UBAP1: variants seen among roughly 807,000 people sequenced by gnomAD.
UBAP1 encodes ubiquitin-associated protein 1.
Under a neutral mutation model 39.0 loss-of-function variants are expected in UBAP1, and 5 were observed. That is an observed-to-expected ratio of 0.13 (90% CI 0.07 to 0.27). The LOEUF (loss-of-function observed/expected upper bound fraction) is 0.27. UBAP1 is among the 10% of genes least tolerant of loss of function. The probability of loss-of-function intolerance (pLI) is 1.00; values close to 1 mark genes in which losing one functional copy is unlikely to be tolerated. For synonymous variants in UBAP1, 211 were observed against 225.1 expected, an observed-to-expected ratio of 0.94 and a Z score of 0.56; for missense variants, 490 against 608.1, an observed-to-expected ratio of 0.81 and a Z score of 2.04.
intron 1 of UBAP1, among the ~76,000 whole-genome samples, chr9:34,179,848 A>G (rs577167114): frequency 6.6e-6 from 1 of 152,226 alleles, no homozygotes; most frequent in South Asian, 2.1e-4. Context: ...GTGGAACGTC[A>G]GGTTCATTTA....
chr9:34,199,523 C>A (rs111448241), intron 1 of UBAP1, among the ~76,000 whole-genome samples: 2 of 152,168 alleles, frequency 1.3e-5, no homozygotes, highest in African/African-American at 4.8e-5. Flanking sequence ...AACCATCTTA[C>A]ATTACCATGA....
intron 1 of UBAP1, among the ~76,000 whole-genome samples, chr9:34,182,691 CTT>C (rs763738694): frequency 8.4e-5 from 8 of 95,420 alleles, no homozygotes; most frequent in African/African-American, 2.5e-4. Flanking sequence ...TTCTCTCTCT[CTT>C]TCTTTTCTTT....
At chr9:34,216,642 A>ATTTTTTTT (rs57204146) in intron 1 of UBAP1, among the ~76,000 whole-genome samples, 5 of 70,184 alleles carry the variant, frequency 7.1e-5, no homozygotes, top group African/African-American at 2.0e-4. Flanking sequence ...CACCATGCTA[A>ATTTTTTTT]TTTTTTTTTT....
chr9:34,185,574 T>C (rs1563883578), intron 1 of UBAP1, among the ~76,000 whole-genome samples: 3 of 150,736 alleles, frequency 2.0e-5, no homozygotes, highest in Admixed American at 6.6e-5. Context: ...GGGCGGGTGC[T>C]GTGGGTCATG....
intron 2 of UBAP1, among the ~76,000 whole-genome samples, chr9:34,225,970 A>G (rs1191413514): frequency 1.6e-4 from 24 of 152,100 alleles, no homozygotes; most frequent in Non-Finnish European, 4.4e-5. Context: ...TATAATTGAT[A>G]TATAAAAAGC....
Position 34,204,468 on chromosome 9 carries a change from AT to A in UBAP1, c.-7-16429del, listed in dbSNP as rs531410200. On this transcript the variant is annotated intron_variant, in intron 1 of 6. Transcript: ENST00000297661. ...AAGTAAGTATACACAGTCCACACCCATTTTTTTTTTTGAAGAAAACACCCGT... is the reference window on the plus strand; with the variant it reads ...AAGTAAGTATACACAGTCCACACCCATTTTTTTTTTGAAGAAAACACCCGT... Among the ~76,000 whole-genome samples, 764 of 147,686 alleles carry A rather than the reference AT, an allele frequency of 5.2e-3. 2 individuals carry two copies. The highest frequency in any genetic ancestry group is 6.8e-3 in the Non-Finnish European group (452 of 66,514).
intron 1 of UBAP1, among the ~76,000 whole-genome samples, chr9:34,210,854 C>T (rs933325959): frequency 6.7e-5 from 10 of 149,770 alleles, no homozygotes; most frequent in Non-Finnish European, 1.5e-4. Flanking sequence ...TTAAACACAT[C>T]GTTGCTGGTT....
At chr9:34,245,996 C>A (rs1156996358) in intron 4 of UBAP1, among the ~76,000 whole-genome samples, 2 of 152,094 alleles carry the variant, frequency 1.3e-5, no homozygotes, top group African/African-American at 2.4e-5. Flanking sequence ...GTCTTTGTTT[C>A]TTTATTTAAA....
chr9:34,208,727 G>A (rs1831854190), intron 1 of UBAP1, among the ~76,000 whole-genome samples: 2 of 148,658 alleles, frequency 1.3e-5, no homozygotes, highest in Non-Finnish European at 3.0e-5. Context: ...GCAGTGAGCC[G>A]AGATGGCACC....
intron 3 of UBAP1, among the ~76,000 whole-genome samples, chr9:34,237,567 A>C (rs946604206): frequency 4.6e-5 from 7 of 152,004 alleles, no homozygotes; most frequent in Non-Finnish European, 7.4e-5. Flanking sequence ...TTAAAAAAAA[A>C]CTTTTTTTGG....
intron 2 of UBAP1, among the ~76,000 whole-genome samples, chr9:34,229,993 C>T (rs1398545731): frequency 1.3e-5 from 2 of 151,828 alleles, no homozygotes; most frequent in Non-Finnish European, 1.5e-5. Context: ...TAGCACAGTA[C>T]TTTTGTAGTT....
At chr9:34,194,415 C>T (rs1173450559) in intron 1 of UBAP1, among the ~76,000 whole-genome samples, 1 of 151,716 alleles carries the variant, frequency 6.6e-6, no homozygotes, top group Non-Finnish European at 1.5e-5. Context: ...CCCAGGTTCA[C>T]GCCATTCTCC....
intron 1 of UBAP1, among the ~76,000 whole-genome samples, chr9:34,207,048 CTTTTTT>C (rs34197502): frequency 3.4e-3 from 304 of 90,068 alleles, no homozygotes; most frequent in Non-Finnish European, 4.6e-3. Flanking sequence ...ATTGTTATTT[CTTTTTT>C]TTTTTTTTTT....
chr9:34,233,314 T>C (rs1167679033), intron 2 of UBAP1, among the ~76,000 whole-genome samples: 1 of 151,446 alleles, frequency 6.6e-6, no homozygotes, highest in East Asian at 1.9e-4. Flanking sequence ...CTCCGTCTCC[T>C]GGGTTCAAGC....
chr9:34,190,223 G>C (rs1265491693), intron 1 of UBAP1, among the ~76,000 whole-genome samples: 1 of 152,150 alleles, frequency 6.6e-6, no homozygotes, highest in Admixed American at 6.6e-5. Flanking sequence ...AAAAATCACG[G>C]AAGGTCTTTA....
At position 34,252,180 on chromosome 9, in the gene UBAP1, C is replaced by T; in HGVS notation, c.*648C>T. ...TTGGCTTGGTTTGGACCACAGTCCTCTGCTACCCAGGGTTTTAGAGCCCCT... is the reference window on the plus strand; with the variant it reads ...TTGGCTTGGTTTGGACCACAGTCCTTTGCTACCCAGGGTTTTAGAGCCCCT... On this transcript the variant is annotated 3_prime_UTR_variant, in exon 7 of 7. Transcript: ENST00000297661. 1 of 152,578 alleles carries T rather than the reference C, an allele frequency of 6.6e-6. No individual in the cohort carries two copies. The highest frequency in any genetic ancestry group is 1.9e-4 in the East Asian group (1 of 5,184). The allele number at this position is 152,578 out of a possible 1,614,324, so 9.5% of individuals were successfully genotyped here.
At chr9:34,182,681 T>TC (rs1554645042) in intron 1 of UBAP1, among the ~76,000 whole-genome samples, 19 of 115,592 alleles carry the variant, frequency 1.6e-4, no homozygotes, top group African/African-American at 5.1e-4. Context: ...CTTTCTTTCT[T>TC]TCTCTCTCTC....
rs180727715 is a variant in UBAP1, at chr9:34,221,257, C to G, written c.34+309C>G. On this transcript the variant is annotated intron_variant, in intron 2 of 6. Transcript: ENST00000297661. ...TGAAGGTATAGTTACTGGCTGGGCG[C>G]GGTGGTTCAAGCCTGTAATCCCAAC... Among the ~76,000 whole-genome samples, 359 of 152,190 alleles carry G rather than the reference C, an allele frequency of 2.4e-3. 1 individual carries two copies. Among genetic ancestry groups the G allele is most frequent in the Non-Finnish European group, 3.3e-3 (223 of 68,022 alleles).
intron 1 of UBAP1, among the ~76,000 whole-genome samples, chr9:34,218,661 C>T (rs1832483649): frequency 6.6e-6 from 1 of 152,158 alleles, no homozygotes; most frequent in African/African-American, 2.4e-5. Flanking sequence ...AGACCGGGTG[C>T]AGTGGCTCAT....
Sources: allele counts gnomAD v4.1 joint callset (sites outside exome capture counted in the v4.1 genomes callset), GRCh38; gene constraint gnomAD v4.1.1; transcripts MANE v1.5; gene names NCBI Gene and HGNC (gene_info 2026-07-23, HGNC 2026-07-21).